Variants in ETFBKMT observed in about 807,000 individuals in gnomAD.
The protein encoded by ETFBKMT is electron transfer flavoprotein beta subunit lysine methyltransferase.
In ETFBKMT, 13 loss-of-function variants were observed where a neutral mutation model predicts 18.3. The ratio of observed to expected loss-of-function variants is 0.71; its 90% confidence interval spans 0.46 to 1.13. ETFBKMT has a LOEUF of 1.13. ETFBKMT is among the 50% of genes most tolerant of loss of function. The pLI is 0.00. For missense variants in ETFBKMT, 293 were observed against 306.2 expected, an observed-to-expected ratio of 0.96 and a Z score of 0.32; for synonymous variants, 84 against 107.9, an observed-to-expected ratio of 0.78 and a Z score of 1.37.
intron 2 of ETFBKMT, among the ~76,000 whole-genome samples, chr12:31,663,611 A>G (rs1036063754): frequency 6.6e-6 from 1 of 152,236 alleles, no homozygotes; most frequent in Non-Finnish European, 1.5e-5. Context: ...TCTTAGTGCC[A>G]TCAACAAAGA....
In ETFBKMT at chr12:31,672,427, A is replaced by C; in HGVS notation, c.*4437A>C. ...TATTAATTGACAATAAAAAATGTTT[A>C]ATGTTTCCTCATGTCTAACTGGAGG... On this transcript the variant is annotated 3_prime_UTR_variant, in exon 4 of 4. Coordinates refer to ENST00000357721, the MANE Select transcript of ETFBKMT (RefSeq NM_001135863.2). 1 of 1,314,438 alleles carries C rather than the reference A, an allele frequency of 7.6e-7. No homozygotes were observed. The highest frequency in any genetic ancestry group is 1.1e-6 in the Non-Finnish European group (1 of 932,200). 81.4% of individuals were successfully genotyped at this position (1,314,438 alleles called of 1,614,324 possible). A position where few individuals can be genotyped will look rare whatever the true frequency, so the allele number is the denominator to read the frequency against.
chr12:31,663,725 TGTTATA>T (rs1395180127), intron 2 of ETFBKMT, among the ~76,000 whole-genome samples: 2 of 152,214 alleles, frequency 1.3e-5, no homozygotes, highest in Non-Finnish European at 2.9e-5. Context: ...AGCCCCAGTT[TGTTATA>T]GTTCATGGCC....
Position 31,662,159 on chromosome 12 carries a change from T to G in ETFBKMT, c.206T>G (p.Leu69Trp), listed in dbSNP as rs1555183610. ...SSGSLTPEIQLRLLTPRCKFW... is the reference protein window; with the variant it reads ...SSGSLTPEIQWRLLTPRCKFW... The stretch of plus-strand genomic sequence containing the variant: ...GGTAGCCTCACCCCTGAAATCCAGT[T>G]GCGGCTTTTGACCCCCAGATGCAAA... Residue 69 changes from leucine (L) to tryptophan (W), a missense_variant, in exon 2 of 4, where the codon TTG becomes TGG. By Grantham distance (61) the Leu-to-Trp change is moderately conservative (BLOSUM62 -2). Coordinates refer to ENST00000357721, the MANE Select transcript of ETFBKMT (RefSeq NM_001135863.2). The G allele has an allele frequency of 6.2e-7, 1 of 1,614,244 alleles. No individual in the cohort carries two copies. The highest frequency in any genetic ancestry group is 1.1e-5 in the South Asian group (1 of 91,086).
chr12:31,654,421 G>A (rs1951043314), upstream of ETFBKMT, among the ~76,000 whole-genome samples: 1 of 152,162 alleles, frequency 6.6e-6, no homozygotes, highest in Non-Finnish European at 1.5e-5. Context: ...TGCACTCCTA[G>A]GTATTTATGC....
intron 1 of ETFBKMT, among the ~76,000 whole-genome samples, chr12:31,653,837 A>G (rs1439414946): frequency 1.3e-5 from 2 of 151,992 alleles, no homozygotes; most frequent in East Asian, 1.9e-4. Flanking sequence ...AATCCCAGCT[A>G]TTGGGGAGGC....
intron 3 of ETFBKMT, 51 bp downstream of exon 3, chr12:31,666,268 G>A: frequency 6.4e-7 from 1 of 1,559,556 alleles, no homozygotes; most frequent in Non-Finnish European, 8.7e-7. Context: ...TTTTTTCTCT[G>A]GGATAAATAT....
At chr12:31,649,114 G>C (rs1379819712) in intron 1 of ETFBKMT, among the ~76,000 whole-genome samples, 1 of 152,218 alleles carries the variant, frequency 6.6e-6, no homozygotes, top group East Asian at 1.9e-4. Flanking sequence ...ACCATGCCGG[G>C]CTAATGTTTT....
upstream of ETFBKMT, among the ~76,000 whole-genome samples, chr12:31,655,848 G>A (rs529341347): frequency 4.6e-5 from 7 of 152,248 alleles, no homozygotes; most frequent in Admixed American, 4.6e-4. Flanking sequence ...TTTAAGCTCT[G>A]GCTCAATAAA....
At position 31,672,568 on chromosome 12, in the gene ETFBKMT, A is replaced by G; in HGVS notation, c.*4578A>G. 1 of 503,880 alleles carries G rather than the reference A, an allele frequency of 2.0e-6. No homozygotes were observed. The highest frequency in any genetic ancestry group is 3.5e-6 in the Non-Finnish European group (1 of 281,892). 31.2% of individuals were successfully genotyped at this position (503,880 alleles called of 1,614,324 possible). A position where few individuals can be genotyped will look rare whatever the true frequency, so the allele number is the denominator to read the frequency against. On this transcript the variant is annotated 3_prime_UTR_variant, in exon 4 of 4. Transcript: ENST00000357721. Reference sequence around the variant, plus strand: ...GGTAGCCCTCACTATTATTAGGTGTAGTGCACCTATCATGGTATTACTTGT... The same window carrying G: ...GGTAGCCCTCACTATTATTAGGTGTGGTGCACCTATCATGGTATTACTTGT...
chr12:31,655,034 C>T (rs751285934), upstream of ETFBKMT, among the ~76,000 whole-genome samples: 16 of 147,192 alleles, frequency 1.1e-4, no homozygotes, highest in Middle Eastern at 3.7e-3. Flanking sequence ...CCAGCCTGGG[C>T]GACAGAGTGA....
upstream of ETFBKMT, among the ~76,000 whole-genome samples, chr12:31,656,884 T>C (rs1951066607): frequency 6.6e-6 from 1 of 152,234 alleles, no homozygotes; most frequent in South Asian, 2.1e-4. Context: ...GATCTGCTGC[T>C]CATCAACACT....
rs1229769646 is a variant in ETFBKMT, at chr12:31,662,370, T to C, written c.314+103T>C. 3 of 1,045,640 alleles carry C rather than the reference T, an allele frequency of 2.9e-6. No homozygotes were observed. In the African/African-American group the frequency reaches 4.8e-5, roughly 17 times the overall value. The allele number at this position is 1,045,640 out of a possible 1,614,324, so 64.8% of individuals were successfully genotyped here. A position where few individuals can be genotyped will look rare whatever the true frequency, so the allele number is the denominator to read the frequency against. Reference sequence around the variant, plus strand: ...GAGCAATGCTAGGCGTGGTGGCTCATGCCTGTAGTCTCAGTACTTTGGGAG... The same window carrying C: ...GAGCAATGCTAGGCGTGGTGGCTCACGCCTGTAGTCTCAGTACTTTGGGAG... On this transcript the variant is annotated intron_variant, in intron 2 of 3. Coordinates refer to ENST00000357721, the MANE Select transcript of ETFBKMT (RefSeq NM_001135863.2).
chr12:31,648,857 A>G (rs142750426), intron 1 of ETFBKMT, among the ~76,000 whole-genome samples: 1,582 of 151,576 alleles, frequency 0.01, 24 homozygotes, highest in African/African-American at 0.036. Context: ...CACCGCGCCC[A>G]GCCCTGTGAC....
chr12:31,664,616 C>CTTTTTTTTTT (rs59300091), intron 2 of ETFBKMT, among the ~76,000 whole-genome samples: 1 of 133,024 alleles, frequency 7.5e-6, no homozygotes. Context: ...CTTTTTCTTT[C>CTTTTTTTTTT]TTTTTTTTTT....
At position 31,670,931 on chromosome 12, in the gene ETFBKMT, A is replaced by T. The variant is rs1334977745; in HGVS notation, c.*2941A>T. The T allele has an allele frequency of 6.6e-6, 1 of 152,186 alleles. No individual in the cohort carries two copies. Among genetic ancestry groups the T allele is most frequent in the African/African-American group, 2.4e-5 (1 of 41,444 alleles). The allele number at this position is 152,186 out of a possible 1,614,324, so 9.4% of individuals were successfully genotyped here. ...GGTGATAGGTAGTAAGGAGAAAAAG[A>T]AGTAAGGGTAATAGGGAATACTGGG... On this transcript the variant is annotated 3_prime_UTR_variant, in exon 4 of 4. Transcript: ENST00000357721.
upstream of ETFBKMT, among the ~76,000 whole-genome samples, chr12:31,655,494 G>C (rs527772169): frequency 6.6e-6 from 1 of 152,242 alleles, no homozygotes; most frequent in Non-Finnish European, 1.5e-5. Flanking sequence ...CTAAAGTCTG[G>C]TAAATTTCAC....
intron 1 of ETFBKMT, among the ~76,000 whole-genome samples, chr12:31,653,291 T>G (rs1403084285): frequency 1.2e-4 from 18 of 152,216 alleles, no homozygotes; most frequent in Non-Finnish European, 2.4e-4. Context: ...TGTTTAAGTT[T>G]CAGTTTTGTT....
chr12:31,665,963 A>T, intron 2 of ETFBKMT, 124 bp from the exon 3 acceptor site: 1 of 708,694 alleles, frequency 1.4e-6, no homozygotes, highest in South Asian at 1.9e-5. Context: ...AACATGTCAC[A>T]GTGCTGCAGA....
chr12:31,648,856 C>T (rs556595096), intron 1 of ETFBKMT, among the ~76,000 whole-genome samples: 4 of 152,082 alleles, frequency 2.6e-5, no homozygotes, highest in Non-Finnish European at 5.9e-5. Flanking sequence ...CCACCGCGCC[C>T]AGCCCTGTGA....
Sources: gnomAD v4.1 joint callset for allele counts (sites outside exome capture counted in the v4.1 genomes callset) on GRCh38, gnomAD v4.1.1 for gene constraint, MANE v1.5 for transcripts, NCBI Gene and HGNC (gene_info 2026-07-23, HGNC 2026-07-21) for gene names.